Variants in AKAP6 observed in about 807,000 individuals in gnomAD.
AKAP6 encodes A-kinase anchoring protein 6, also known as A-kinase anchor protein 6.
AKAP6 carries 58 observed loss-of-function variants against 188.5 expected under a neutral mutation model. The observed-to-expected ratio is 0.31, with a 90% CI of 0.25 to 0.38. The LOEUF is 0.38. AKAP6 is among the 10% of genes least tolerant of loss of function. The pLI is 1.00. For synonymous variants in AKAP6, 989 were observed against 998.6 expected, an observed-to-expected ratio of 0.99 and a Z score of 0.18; for missense variants, 2,710 against 2,740.0, an observed-to-expected ratio of 0.99 and a Z score of 0.24.
intron 1 of AKAP6, among the ~76,000 whole-genome samples, chr14:32,348,744 T>C (rs1887161139): frequency 6.6e-6 from 1 of 152,162 alleles, no homozygotes. Context: ...GCTTTTGCCC[T>C]GGACCCTCTA....
At chr14:32,483,419 AAAC>A (rs1879469485) in intron 2 of AKAP6, among the ~76,000 whole-genome samples, 1 of 88,644 alleles carries the variant, frequency 1.1e-5, no homozygotes, top group East Asian at 7.6e-4. Context: ...TAGGAATGTA[AAAC>A]AGTTTTATAG....
chr14:32,769,037 A>ATAT (rs2032806521), intron 11 of AKAP6, among the ~76,000 whole-genome samples: 11 of 56,926 alleles, frequency 1.9e-4, no homozygotes, highest in Admixed American at 1.1e-3. Context: ...TGCTCTTTTG[A>ATAT]TTTTTTTTTT....
rs190070568 is a variant in AKAP6 at position 32,824,038 on chromosome 14, T to G, written c.6225T>G (p.Ser2075=). The change falls in exon 13 of 14, where the codon TCT becomes TCG. Residue 2075 remains serine, a synonymous_variant. Coordinates refer to ENST00000280979, the MANE Select transcript of AKAP6 (RefSeq NM_004274.5). ...CTTCGACAGCCCTAAAAAGTAAATC[T>G]CAACCTGAAAACGAGGTGGCTGCTC... ...DMASTALKSK[S]QPENEVAAPT... is the part of the protein sequence containing the mutation. 6.2e-7 allele frequency: 1 copy of G among 1,613,756 alleles called. No homozygotes were observed.
At chr14:32,414,377 A>T (rs889389325) in intron 1 of AKAP6, among the ~76,000 whole-genome samples, 2 of 152,178 alleles carry the variant, frequency 1.3e-5, no homozygotes, top group African/African-American at 4.8e-5. Context: ...TGTGAGCTGC[A>T]TATCTCTCTT....
chr14:32,395,208 A>C (rs1328847342), intron 1 of AKAP6, among the ~76,000 whole-genome samples: 1 of 152,162 alleles, frequency 6.6e-6, no homozygotes, highest in Non-Finnish European at 1.5e-5. Flanking sequence ...AGCACATGAG[A>C]ATGCAGAGGA....
chr14:32,645,353 T>C (rs1887943375), intron 7 of AKAP6, among the ~76,000 whole-genome samples: 1 of 152,214 alleles, frequency 6.6e-6, no homozygotes, highest in Non-Finnish European at 1.5e-5. Flanking sequence ...GCATTTATTT[T>C]CCCATCATTG....
At chr14:32,524,211 A>G (rs1219613138) in intron 2 of AKAP6, among the ~76,000 whole-genome samples, 2 of 152,152 alleles carry the variant, frequency 1.3e-5, no homozygotes, top group African/African-American at 4.8e-5. Flanking sequence ...AAAACTGGGC[A>G]AAAGTAAATT....
intron 2 of AKAP6, among the ~76,000 whole-genome samples, chr14:32,485,320 A>G (rs1321932746): frequency 6.6e-6 from 1 of 152,094 alleles, no homozygotes; most frequent in Non-Finnish European, 1.5e-5. Flanking sequence ...TCGTTTGAGT[A>G]TACACCCAGT....
chr14:32,763,086 A>T (rs965027220), intron 11 of AKAP6, among the ~76,000 whole-genome samples: 1 of 152,122 alleles, frequency 6.6e-6, no homozygotes, highest in Non-Finnish European at 1.5e-5. Context: ...TTGGCACACT[A>T]CCCAACTCCT....
intron 7 of AKAP6, among the ~76,000 whole-genome samples, chr14:32,672,592 C>T (rs558953852): frequency 2.6e-5 from 4 of 152,276 alleles, no homozygotes; most frequent in Admixed American, 1.3e-4. Flanking sequence ...CTTGTGACCT[C>T]GTTTAACCTT....
At chr14:32,451,096 T>G (rs1362649527) in intron 2 of AKAP6, among the ~76,000 whole-genome samples, 1 of 152,206 alleles carries the variant, frequency 6.6e-6, no homozygotes, top group African/African-American at 2.4e-5. Context: ...CAAACAAACA[T>G]GTCTCCTACT....
rs377221142 is a variant in AKAP6, at chr14:32,545,480, C to A, written c.827C>A (p.Thr276Lys). ...CTTATCCGAAGTGTTGGTTTACTTA[C>A]GGTAGCTGCTGACTCTATCTCTACC... ...PELIRSVGLL[T>K]VAADSISTNG... Residue 276 changes from threonine to lysine, a missense_variant, in exon 4 of 14, where the codon ACG becomes AAG. By Grantham distance (78) the Thr-to-Lys change is moderately conservative. Transcript: ENST00000280979. The A allele has an allele frequency of 2.5e-6, 4 of 1,614,194 alleles. No homozygotes were observed. Among genetic ancestry groups the A allele is most frequent in the Non-Finnish European group, 3.4e-6 (4 of 1,180,008 alleles).
intron 1 of AKAP6, among the ~76,000 whole-genome samples, chr14:32,390,941 G>A (rs72666183): frequency 0.013 from 2,002 of 152,188 alleles, 25 homozygotes; most frequent in Non-Finnish European, 0.021. Context: ...CAAGAATCTA[G>A]TTGTCTCTGT....
chr14:32,599,076 A>G (rs998631741), intron 5 of AKAP6, among the ~76,000 whole-genome samples: 1 of 152,182 alleles, frequency 6.6e-6, no homozygotes, highest in African/African-American at 2.4e-5. Context: ...ATTTCTAAAA[A>G]ATGAAGAAAA....
At chr14:32,712,179 A>C (rs2139755449) in intron 9 of AKAP6, among the ~76,000 whole-genome samples, 1 of 152,054 alleles carries the variant, frequency 6.6e-6, no homozygotes, top group East Asian at 1.9e-4. Flanking sequence ...AGTGCATATA[A>C]AAGTTGCGTT....
At chr14:32,423,030 T>A (rs2138671653) in intron 1 of AKAP6, among the ~76,000 whole-genome samples, 1 of 152,324 alleles carries the variant, frequency 6.6e-6, no homozygotes, top group African/African-American at 2.4e-5. Context: ...CTGTTTTTCT[T>A]CCTATTCTTG....
intron 1 of AKAP6, among the ~76,000 whole-genome samples, chr14:32,383,523 C>T (rs953983263): frequency 5.3e-5 from 8 of 152,122 alleles, no homozygotes; most frequent in Non-Finnish European, 1.2e-4. Context: ...GTATGCTTGC[C>T]TTAGTGACAT....
chr14:32,347,608 T>A (rs953859148), intron 1 of AKAP6, among the ~76,000 whole-genome samples: 5 of 152,254 alleles, frequency 3.3e-5, no homozygotes, highest in African/African-American at 1.2e-4. Flanking sequence ...TTATGATCTA[T>A]GATTTGCCTA....
intron 4 of AKAP6, among the ~76,000 whole-genome samples, chr14:32,574,213 A>T (rs192451828): frequency 5.7e-4 from 87 of 152,310 alleles, no homozygotes; most frequent in Non-Finnish European, 1.6e-4. Flanking sequence ...ACTTTTTAGT[A>T]TTGGCAAGAA....
Sources: gnomAD v4.1 joint callset for allele counts (sites outside exome capture counted in the v4.1 genomes callset) on GRCh38, gnomAD v4.1.1 for gene constraint, MANE v1.5 for transcripts, NCBI Gene and HGNC (gene_info 2026-07-23, HGNC 2026-07-21) for gene names.